TSACC: variants seen among roughly 807,000 people sequenced by gnomAD.
TSACC encodes the protein TSSK6-activating co-chaperone protein.
In TSACC, 3 loss-of-function variants were observed where a neutral mutation model predicts 6.9. That is an observed-to-expected ratio of 0.43 (90% CI 0.20 to 1.12). The LOEUF is 1.12. Ranked by LOEUF, TSACC falls within the 50% of genes most tolerant of loss-of-function variation. TSACC has a pLI of 0.28. For synonymous variants in TSACC, 54 were observed against 55.1 expected (o/e 0.98, Z 0.09); for missense variants, 137 against 143.9 (o/e 0.95, Z 0.24).
chr1:156,338,501 T>A (rs1171371103), upstream of TSACC: 4 of 517,764 alleles, frequency 7.7e-6, no homozygotes, highest in Non-Finnish European at 1.4e-5. Flanking sequence ...AGCGCGAACG[T>A]CGGCGCAGGC....
At chr1:156,337,895 C>T (rs1420529262), upstream of TSACC, 1 of 535,144 alleles carries the variant, frequency 1.9e-6, no homozygotes, top group Non-Finnish European at 3.3e-6. Flanking sequence ...GGACAGAACG[C>T]GGAGTGGGAA....
chr1:156,341,890 G>A (rs1276890615), intron 2 of TSACC, among the ~76,000 whole-genome samples: 11 of 151,800 alleles, frequency 7.2e-5, no homozygotes, highest in Admixed American at 6.6e-4. Context: ...GGTGAAACCC[G>A]TCTCTACTAA....
At chr1:156,341,444 A>G (rs556874457) in intron 2 of TSACC, among the ~76,000 whole-genome samples, 1 of 152,310 alleles carries the variant, frequency 6.6e-6, no homozygotes, top group East Asian at 1.9e-4. Flanking sequence ...GACTGTCTAC[A>G]CTGCAAGACT....
In TSACC at chr1:156,338,549, A is replaced by G. The variant is rs527709469; in HGVS notation, c.-181A>G. ...GCAGTTGGCCAGCACACCACTACGC[A>G]TGTGTGTCAACTCTAGGGTTGGGTG... On this transcript the variant is annotated 5_prime_UTR_variant, in exon 1 of 4. The change abolishes an upstream ATG in the 5' untranslated region. Coordinates refer to ENST00000368254, the MANE Select transcript of TSACC (RefSeq NM_001304817.2). 22 of 406,042 alleles carry G rather than the reference A, an allele frequency of 5.4e-5. No individual in the cohort carries two copies. The highest frequency in any genetic ancestry group is 7.7e-5 in the Non-Finnish European group (17 of 220,046). 25.2% of individuals were successfully genotyped at this position (406,042 alleles called of 1,614,324 possible). A position where few individuals can be genotyped will look rare whatever the true frequency, so the allele number is the denominator to read the frequency against.
In TSACC at chr1:156,344,655, C is replaced by A. The variant is rs762478812; in HGVS notation, c.110C>A (p.Ala37Glu). 1 of 1,614,092 alleles carries A rather than the reference C, an allele frequency of 6.2e-7. No individual in the cohort carries two copies. Among genetic ancestry groups the A allele is most frequent in the Non-Finnish European group, 8.5e-7 (1 of 1,180,016 alleles). The change falls in exon 3 of 4, where the codon GCA becomes GAA. Residue 37 changes from alanine (A) to glutamate (E), a missense_variant. Transcript: ENST00000368254. The stretch of plus-strand genomic sequence containing the variant: ...TCCCCCAGCTATATTAATCTTCAAG[C>A]AAGTTCCCCACCAGCCACTTTTCTG... ...KPSPSYINLQ[A>E]SSPPATFLNI...
At chr1:156,341,815 G>A (rs1665901715) in intron 2 of TSACC, among the ~76,000 whole-genome samples, 1 of 152,158 alleles carries the variant, frequency 6.6e-6, no homozygotes, top group Non-Finnish European at 1.5e-5. Context: ...TGTAATCCCA[G>A]CACTTTGGAA....
intron 2 of TSACC, 92 bp downstream of exon 2, chr1:156,339,883 C>T: frequency 7.3e-7 from 1 of 1,361,816 alleles, no homozygotes; most frequent in Non-Finnish European, 1.0e-6. Context: ...ATTCCCAGCA[C>T]CTAGAACTGG....
At chr1:156,345,223 A>T (rs555545812) in intron 3 of TSACC, among the ~76,000 whole-genome samples, 2 of 152,366 alleles carry the variant, frequency 1.3e-5, no homozygotes, top group East Asian at 1.9e-4. Context: ...ATAAAAATAC[A>T]AACAGCAGAT....
In TSACC at chr1:156,341,088, A is replaced by AT. The variant is rs141914352; in HGVS notation, c.34+1299dup. The stretch of plus-strand genomic sequence containing the variant: ...CACTCTGGCCTCCCAAAGTCCTGGG[A>AT]TTACAGGCGTGAGCCATCGCGCCTG... On this transcript the variant is annotated intron_variant, in intron 2 of 3. Transcript: ENST00000368254. Among the ~76,000 whole-genome samples, 1,252 of 152,316 alleles carry AT rather than the reference A, an allele frequency of 8.2e-3. 17 individuals carry two copies. The highest frequency in any genetic ancestry group is 0.029 in the African/African-American group (1,199 of 41,570).
At chr1:156,344,232 T>C (rs527450334) in intron 2 of TSACC, among the ~76,000 whole-genome samples, 3 of 152,216 alleles carry the variant, frequency 2.0e-5, no homozygotes, top group Admixed American at 6.5e-5. Context: ...CCTCATGTTG[T>C]TAGATCACTG....
At chr1:156,338,213 GA>G, upstream of TSACC, 1 of 1,579,010 alleles carries the variant, frequency 6.3e-7, no homozygotes, top group East Asian at 2.3e-5. Flanking sequence ...CGGGTACCCA[GA>G]GCTGGGGGAA....
chr1:156,339,559 C>T lies in TSACC; in HGVS notation c.-124-75C>T, dbSNP rs377328287. The T allele has an allele frequency of 7.1e-6, 4 of 564,076 alleles. No individual in the cohort carries two copies. The South Asian group carries it at 1.0e-4, about 14-fold the overall frequency. 34.9% of individuals were successfully genotyped at this position (564,076 alleles called of 1,614,324 possible). A position where few individuals can be genotyped will look rare whatever the true frequency, so the allele number is the denominator to read the frequency against. The stretch of plus-strand genomic sequence containing the variant: ...CTGTTTTCCAAACTAGTGAAGGGGC[C>T]GTGAGAGCACCAACAGTTCAAGAAC... On this transcript the variant is annotated intron_variant, in intron 1 of 3. Transcript: ENST00000368254.
intron 2 of TSACC, among the ~76,000 whole-genome samples, chr1:156,344,040 G>A (rs991643352): frequency 6.6e-6 from 1 of 151,908 alleles, no homozygotes; most frequent in Non-Finnish European, 1.5e-5. Context: ...GTGCCCAGCC[G>A]CTTCTCAAGT....
At position 156,344,708 on chromosome 1, in the gene TSACC, G is replaced by C; in HGVS notation, c.163G>C (p.Val55Leu). The change falls in exon 3 of 4, where the codon GTT becomes CTT. Residue 55 changes from valine (V) to leucine (L), a missense_variant and splice_region_variant. By Grantham distance (32) the Val-to-Leu change is conservative. Coordinates refer to ENST00000368254, the MANE Select transcript of TSACC (RefSeq NM_001304817.2). Reference protein sequence around the residue: ...LNIQTTKLPSVDHKPKECLGL... With the variant: ...LNIQTTKLPSLDHKPKECLGL... ...CATCCAGACAACAAAGCTGCCCTCG[G>C]GTAAGGATGTAGGGAGGGTTTTCTA... 6.2e-7 allele frequency: 1 copy of C among 1,613,772 alleles called. No homozygotes were observed. Among genetic ancestry groups the C allele is most frequent in the Non-Finnish European group, 8.5e-7 (1 of 1,179,902 alleles).
At chr1:156,343,473 C>G (rs1159210451) in intron 2 of TSACC, among the ~76,000 whole-genome samples, 1 of 152,154 alleles carries the variant, frequency 6.6e-6, no homozygotes, top group African/African-American at 2.4e-5. Flanking sequence ...AGCCAAATAG[C>G]TTTCACTGGG....
intron 1 of TSACC, among the ~76,000 whole-genome samples, chr1:156,339,093 G>T (rs1665651621): frequency 6.6e-6 from 1 of 152,004 alleles, no homozygotes; most frequent in Non-Finnish European, 1.5e-5. Flanking sequence ...GCGAAACCCC[G>T]TCTCTACTAA....
chr1:156,338,196 G>A (rs545688218), upstream of TSACC: 145 of 1,585,532 alleles, frequency 9.1e-5, no homozygotes, highest in Non-Finnish European at 1.2e-4. Context: ...GCGACGCGAT[G>A]CAGAGCCGGG....
chr1:156,338,480 C>T, upstream of TSACC: 1 of 526,304 alleles, frequency 1.9e-6, no homozygotes, highest in Non-Finnish European at 3.4e-6. Flanking sequence ...TGGCCGCTCC[C>T]GGCCGCGTGC....
rs912296358 is a variant in TSACC, at chr1:156,338,538, C to T, written c.-192C>T. On this transcript the variant is annotated 5_prime_UTR_variant, in exon 1 of 4. Coordinates refer to ENST00000368254, the MANE Select transcript of TSACC (RefSeq NM_001304817.2). ...CCAAGGCTCTGGCAGTTGGCCAGCA[C>T]ACCACTACGCATGTGTGTCAACTCT... The T allele has an allele frequency of 8.9e-6, 4 of 451,386 alleles. No homozygotes were observed. The highest frequency in any genetic ancestry group is 5.9e-5 in the African/African-American group (3 of 50,714). 28.0% of individuals were successfully genotyped at this position (451,386 alleles called of 1,614,324 possible). A position where few individuals can be genotyped will look rare whatever the true frequency, so the allele number is the denominator to read the frequency against.
Sources: allele counts gnomAD v4.1 joint callset (sites outside exome capture counted in the v4.1 genomes callset), GRCh38; gene constraint gnomAD v4.1.1; transcripts MANE v1.5; gene names NCBI Gene and HGNC (gene_info 2026-07-23, HGNC 2026-07-21).